CAMTA1: variants seen among roughly 807,000 people sequenced by gnomAD.
CAMTA1 encodes the protein calmodulin binding transcription activator 1, also known as calmodulin-binding transcription activator 1.
CAMTA1 carries 27 observed loss-of-function variants against 170.9 expected under a neutral mutation model. The ratio of observed to expected loss-of-function variants is 0.16; its 90% confidence interval spans 0.12 to 0.22. The LOEUF is 0.22. Ranked by LOEUF, CAMTA1 falls within the 10% of genes least tolerant of loss-of-function variation. The pLI, the probability that CAMTA1 is intolerant of heterozygous loss-of-function variation, is 1.00. For synonymous variants in CAMTA1, 833 were observed against 891.5 expected, an observed-to-expected ratio of 0.93 and a Z score of 1.17; for missense variants, 1,619 against 2,217.2, an observed-to-expected ratio of 0.73 and a Z score of 5.42.
chr1:7,227,007 G>T (rs1480700659), intron 4 of CAMTA1, among the ~76,000 whole-genome samples: 3 of 151,534 alleles, frequency 2.0e-5, no homozygotes, highest in Non-Finnish European at 4.4e-5. Flanking sequence ...TAATTTTTTT[G>T]TATTTTTAGT....
intron 1 of CAMTA1, among the ~76,000 whole-genome samples, chr1:6,814,500 A>G (rs1645554255): frequency 6.6e-6 from 1 of 152,192 alleles, no homozygotes; most frequent in Admixed American, 6.5e-5. Context: ...GTCTTCTGCC[A>G]CAAGGTAGAA....
chr1:7,475,866 G>A (rs1308803500), intron 6 of CAMTA1, among the ~76,000 whole-genome samples: 7 of 152,216 alleles, frequency 4.6e-5, no homozygotes, highest in African/African-American at 1.7e-4. Flanking sequence ...TTAAACAGAC[G>A]TGGTCCCTGT....
At chr1:7,153,939 G>A (rs1444955850) in intron 4 of CAMTA1, among the ~76,000 whole-genome samples, 3 of 152,300 alleles carry the variant, frequency 2.0e-5, no homozygotes, top group South Asian at 2.1e-4. Context: ...CCTGGGCTCC[G>A]GCCACGATTC....
chr1:7,702,613 T>C (rs2096453866), intron 11 of CAMTA1, among the ~76,000 whole-genome samples: 1 of 152,232 alleles, frequency 6.6e-6, no homozygotes, highest in South Asian at 2.1e-4. Flanking sequence ...GCTGCTGGGA[T>C]GTCAGGCTTT....
In CAMTA1 at chr1:7,463,703, C is replaced by G. The variant is rs2093145722; in HGVS notation, c.439-4127C>G. 6.6e-6 allele frequency among the ~76,000 whole-genome samples: 1 copy of G among 152,130 alleles called. No individual in the cohort carries two copies. Among genetic ancestry groups the G allele is most frequent in the African/African-American group, 2.4e-5 (1 of 41,422 alleles). ...GGGAGTAGGTGGGGGCAGAAATCTG[C>G]TGCGTCAGATGAGGCCGTAGAGAGC... On this transcript the variant is annotated intron_variant, in intron 5 of 22. Transcript: ENST00000303635. This position sits in a 1 kb window ranked among gnomAD's most constrained non-coding sequence, Gnocchi z 4.7.
chr1:7,746,108 C>A lies in CAMTA1; in HGVS notation c.4617+17C>A, dbSNP rs1558287317. 6.2e-7 allele frequency: 1 copy of A among 1,607,740 alleles called. No individual in the cohort carries two copies. Among genetic ancestry groups the A allele is most frequent in the African/African-American group, 1.3e-5 (1 of 74,888 alleles). On this transcript the variant is annotated intron_variant, in intron 18 of 22. Coordinates refer to ENST00000303635, the MANE Select transcript of CAMTA1 (RefSeq NM_015215.4). ...AAATACAAGGTAAACTAGAACAGAA[C>A]CTTCGTTTTGTGACATTCTTAAGAT... is the stretch of plus-strand genomic sequence containing the variant.
intron 6 of CAMTA1, among the ~76,000 whole-genome samples, chr1:7,636,154 C>A (rs2095710656): frequency 6.6e-6 from 1 of 151,802 alleles, no homozygotes. Flanking sequence ...GGAAGGGACC[C>A]CCCACCCCCG....
chr1:7,178,716 G>A (rs866229025), intron 4 of CAMTA1, among the ~76,000 whole-genome samples: 5 of 152,174 alleles, frequency 3.3e-5, no homozygotes, highest in South Asian at 4.1e-4. Context: ...GGGCACTTGC[G>A]GAGTAGCCAA....
At chr1:6,795,549 T>C (rs927269526) in intron 1 of CAMTA1, among the ~76,000 whole-genome samples, 1 of 152,210 alleles carries the variant, frequency 6.6e-6, no homozygotes, top group South Asian at 2.1e-4. Flanking sequence ...TTAGAAGTTA[T>C]GATAGTTTGT....
At chr1:7,031,136 T>C (rs1702742973) in intron 3 of CAMTA1, among the ~76,000 whole-genome samples, 1 of 151,844 alleles carries the variant, frequency 6.6e-6, no homozygotes, top group Admixed American at 6.6e-5. Context: ...ATGTTTTATG[T>C]TTACTTGTTT....
chr1:7,061,656 A>G (rs1708225595), intron 3 of CAMTA1, among the ~76,000 whole-genome samples: 1 of 147,418 alleles, frequency 6.8e-6, no homozygotes, highest in Non-Finnish European at 1.5e-5. Context: ...CCAGCTGTGC[A>G]AAGGCCCTGA....
At chr1:7,390,736 C>G (rs374717269) in intron 5 of CAMTA1, among the ~76,000 whole-genome samples, 1 of 152,260 alleles carries the variant, frequency 6.6e-6, no homozygotes, top group Non-Finnish European at 1.5e-5. Flanking sequence ...ACCTCTCCCC[C>G]ACATGCATTC....
intron 19 of CAMTA1, among the ~76,000 whole-genome samples, chr1:7,750,650 T>C (rs2096890328): frequency 6.6e-6 from 1 of 152,182 alleles, no homozygotes; most frequent in Admixed American, 6.5e-5. Flanking sequence ...GTCTTACGAG[T>C]GTTCATCTTT....
At chr1:7,498,404 TGA>T (rs537024761) in intron 6 of CAMTA1, among the ~76,000 whole-genome samples, 13 of 149,928 alleles carry the variant, frequency 8.7e-5, no homozygotes, top group African/African-American at 2.4e-4. Context: ...TGAATGTGTA[TGA>T]GTGTGTATGA....
At position 7,047,813 on chromosome 1, in the gene CAMTA1, G is replaced by A. The variant is rs550243993; in HGVS notation, c.235-43491G>A. Among the ~76,000 whole-genome samples, 6 of 151,630 alleles carry A rather than the reference G, an allele frequency of 4.0e-5. No homozygotes were observed. The South Asian group carries it at 6.3e-4, about 16-fold the overall frequency. On this transcript the variant is annotated intron_variant, in intron 3 of 22. Transcript: ENST00000303635. ...TGGTGGGTGGTGATGGTGGTGGAGC[G>A]TCATCCGAGCAGGGGATATGCCTGG...
intron 5 of CAMTA1, among the ~76,000 whole-genome samples, chr1:7,398,187 CTCTCTCT>C (rs2089543773): frequency 2.6e-5 from 1 of 38,222 alleles, no homozygotes; most frequent in Non-Finnish European, 4.7e-5. Flanking sequence ...CTCTCTCTCT[CTCTCTCT>C]ATATATATAT....
chr1:7,500,387 G>A (rs889710597), intron 6 of CAMTA1, among the ~76,000 whole-genome samples: 1 of 151,980 alleles, frequency 6.6e-6, no homozygotes. Flanking sequence ...GTGTGCATGT[G>A]TGTCCGTGAG....
rs1553296848 is a variant in CAMTA1, at chr1:7,270,293, T to TA, written c.438+20667_438+20668insA. On this transcript the variant is annotated intron_variant, in intron 5 of 22. Transcript: ENST00000303635. ...CACACACATATATATATATATATAT[T>TA]TTTTTTTTTTTTTCTTGTGAGATGG... is the stretch of plus-strand genomic sequence containing the variant. Among the ~76,000 whole-genome samples, 253 of 76,412 alleles carry TA rather than the reference T, an allele frequency of 3.3e-3. 4 individuals are homozygous for TA. Among genetic ancestry groups the TA allele is most frequent in the East Asian group, 0.025 (67 of 2,664 alleles). The allele number at this position is 76,412 out of a possible 152,430, so 50.1% of individuals were successfully genotyped here.
intron 6 of CAMTA1, among the ~76,000 whole-genome samples, chr1:7,479,050 G>C (rs961989279): frequency 6.6e-6 from 1 of 152,224 alleles, no homozygotes; most frequent in Non-Finnish European, 1.5e-5. Context: ...CCCACTCTGC[G>C]TGTGGACGTC....
Sources: gnomAD v4.1 joint callset for allele counts (sites outside exome capture counted in the v4.1 genomes callset) on GRCh38, gnomAD v4.1.1 for gene constraint, Gnocchi (gnomAD v3.1) non-coding constraint, MANE v1.5 for transcripts, NCBI Gene and HGNC (gene_info 2026-07-23, HGNC 2026-07-21) for gene names.